FUT1: variants seen among roughly 807,000 people sequenced by gnomAD.
The protein encoded by FUT1 is fucosyltransferase 1 (H blood group).
For missense variants in FUT1, 476 were observed against 492.7 expected (o/e 0.97, Z 0.32); for synonymous variants, 215 against 208.7 (o/e 1.03, Z -0.26).
Position 48,750,504 on chromosome 19 carries a change from C to T in FUT1, c.778G>A (p.Val260Ile). The T allele has an allele frequency of 6.2e-7, 1 of 1,614,038 alleles. No homozygotes were observed. The highest frequency in any genetic ancestry group is 8.5e-7 in the Non-Finnish European group (1 of 1,180,030). ...CACCACTCCATGCCGTTGCTGGTGA[C>T]CACGAAAACGGGGGCTTCGTGCCGT... ...RARHEAPVFV[V>I]TSNGMEWCKE... Residue 260 changes from valine to isoleucine, a missense_variant, in exon 2 of 2, where the codon GTC becomes ATC. Physicochemically the swap from Val to Ile is conservative, Grantham distance 29 (BLOSUM62 3). Transcript: ENST00000645652.
upstream of FUT1, among the ~76,000 whole-genome samples, chr19:48,753,861 A>G (rs1231508581): frequency 1.3e-5 from 2 of 152,180 alleles, no homozygotes. Context: ...TCTTCTCTGC[A>G]CTTATAAGAA....
At chr19:48,753,150 G>C (rs1372502503), upstream of FUT1, 1 of 155,552 alleles carries the variant, frequency 6.4e-6, no homozygotes, top group African/African-American at 2.4e-5. Flanking sequence ...TGTTTGCCAG[G>C]CTGCCGCCGG....
rs1327878092 is a variant in FUT1, at chr19:48,749,873, G to A, written c.*311C>T. On this transcript the variant is annotated 3_prime_UTR_variant, in exon 2 of 2. Transcript: ENST00000645652. The stretch of plus-strand genomic sequence containing the variant: ...CCCCTCTTCTAGAGTAGACCAGAGG[G>A]AGAGTTCCCCATTCCTGGGGGCAGC... 3 of 432,348 alleles carry A rather than the reference G, an allele frequency of 6.9e-6. No individual in the cohort carries two copies. The highest frequency in any genetic ancestry group is 2.0e-5 in the African/African-American group (1 of 49,844). The allele number at this position is 432,348 out of a possible 1,614,324, so 26.8% of individuals were successfully genotyped here.
At chr19:48,752,983 C>T, upstream of FUT1, 1 of 810,814 alleles carries the variant, frequency 1.2e-6, no homozygotes, top group Non-Finnish European at 1.5e-6. This position sits in a 1 kb window ranked among gnomAD's most constrained non-coding sequence, Gnocchi z 4.3. Context: ...ATCCGCCGCC[C>T]TCTCTCTTCC....
rs141180477 is a variant in FUT1, at chr19:48,750,259, C to A, written c.1023G>T (p.Pro341=). Residue 341 remains proline (P), a synonymous_variant, in exon 2 of 2, where the codon CCG becomes CCT. Coordinates refer to ENST00000645652, the MANE Select transcript of FUT1 (RefSeq NM_001384359.1). ...CCCACTCGGGCAGGAAGGCCGCCTC[C>A]GGCTTAAAGATCTTCAGGAACTCAG... is the stretch of plus-strand genomic sequence containing the variant. ...PDSEFLKIFK[P]EAAFLPEWVG... 2.5e-5 allele frequency: 41 copies of A among 1,613,988 alleles called. No individual in the cohort carries two copies. The highest frequency in any genetic ancestry group is 3.5e-5 in the Non-Finnish European group (41 of 1,179,946).
chr19:48,751,266 G>T lies in FUT1; in HGVS notation c.16C>A (p.His6Asn), dbSNP rs1171973571. The change falls in exon 2 of 2, where the codon CAT becomes AAT. Residue 6 changes from histidine to asparagine, a missense_variant. Transcript: ENST00000645652. ...AGGAAGGCCAGGCAGAGCTGACGAT[G>T]GCTCCGGAGCCACATGGCTGCAGGG... Reference protein sequence around the residue: MWLRSHRQLCLAFLLV... With the variant: MWLRSNRQLCLAFLLV... 7 of 1,614,056 alleles carry T rather than the reference G, an allele frequency of 4.3e-6. No homozygotes were observed. Among genetic ancestry groups the T allele is most frequent in the Non-Finnish European group, 5.1e-6 (6 of 1,179,980 alleles).
In FUT1 at chr19:48,751,149, G is replaced by C; in HGVS notation, c.133C>G (p.Arg45Gly). Residue 45 changes from arginine (R) to glycine (G), a missense_variant, in exon 2 of 2, where the codon CGC becomes GGC. Coordinates refer to ENST00000645652, the MANE Select transcript of FUT1 (RefSeq NM_001384359.1). ...GCCACTGGGGGTGTCACCAGGCGGC[G>C]GTCTGGACACAGGATCGACAGGCCT... ...GLGLSILCPD[R>G]RLVTPPVAIF... The C allele has an allele frequency of 6.2e-7, 1 of 1,614,102 alleles. No individual in the cohort carries two copies. The highest frequency in any genetic ancestry group is 1.7e-5 in the Admixed American group (1 of 60,026).
At position 48,752,389 on chromosome 19, in the gene FUT1, C is replaced by G; in HGVS notation, c.-3+101G>C. The G allele has an allele frequency of 1.4e-6, 1 of 721,826 alleles. No individual in the cohort carries two copies. Among genetic ancestry groups the G allele is most frequent in the Non-Finnish European group, 1.7e-6 (1 of 588,820 alleles). The allele number at this position is 721,826 out of a possible 1,614,324, so 44.7% of individuals were successfully genotyped here. Reference sequence around the variant, plus strand: ...GGGGAGGTGGCGGAGATTCCTAGGGCCTTAGGAAGACCTGGAGAAGAGGTT... The same window carrying G: ...GGGGAGGTGGCGGAGATTCCTAGGGGCTTAGGAAGACCTGGAGAAGAGGTT... On this transcript the variant is annotated intron_variant, in intron 1 of 1. Transcript: ENST00000645652. This position sits in a 1 kb window ranked among gnomAD's most constrained non-coding sequence, Gnocchi z 4.3.
At position 48,752,298 on chromosome 19, in the gene FUT1, TA is replaced by T. The variant is rs1175049942; in HGVS notation, c.-3+191del. Reference sequence around the variant, plus strand: ...TGGTGATGGGAAACGATAGTTCAAGTAAAACAAGAGAGGCTGGAGGGTCAGG... The same window carrying T: ...TGGTGATGGGAAACGATAGTTCAAGTAAACAAGAGAGGCTGGAGGGTCAGG... On this transcript the variant is annotated intron_variant, in intron 1 of 1. Coordinates refer to ENST00000645652, the MANE Select transcript of FUT1 (RefSeq NM_001384359.1). The surrounding 1 kb of genome is among the most constrained non-coding windows in gnomAD (Gnocchi z 4.3). Among the ~76,000 whole-genome samples, 1 of 152,020 alleles carries T rather than the reference TA, an allele frequency of 6.6e-6. No homozygotes were observed. Among genetic ancestry groups the T allele is most frequent in the Middle Eastern group, 3.4e-3 (1 of 294 alleles).
chr19:48,751,919 C>A (rs2034009426), intron 1 of FUT1, among the ~76,000 whole-genome samples: 3 of 151,610 alleles, frequency 2.0e-5, no homozygotes, highest in Admixed American at 2.0e-4. Flanking sequence ...CCATTACACT[C>A]CAGCCTGGGC....
At chr19:48,751,317 C>A (rs1253690061) in intron 1 of FUT1, 34 bp from the exon 2 acceptor site, 1 of 1,608,730 alleles carries the variant, frequency 6.2e-7, no homozygotes, top group South Asian at 1.1e-5. Context: ...AGCAAATGCT[C>A]TGAGGCTGAG....
Position 48,749,982 on chromosome 19 carries a change from G to T in FUT1, c.*202C>A, listed in dbSNP as rs1329089974. On this transcript the variant is annotated 3_prime_UTR_variant, in exon 2 of 2. Coordinates refer to ENST00000645652, the MANE Select transcript of FUT1 (RefSeq NM_001384359.1). ...AACTGCCTGCCAGCCATCAGGAAAA[G>T]ATGTTTTGCTAGTTCTAGAATATTC... The T allele has an allele frequency of 3.0e-6, 2 of 659,246 alleles. No individual in the cohort carries two copies. The highest frequency in any genetic ancestry group is 2.6e-6 in the Non-Finnish European group (1 of 390,404). 40.8% of individuals were successfully genotyped at this position (659,246 alleles called of 1,614,324 possible).
Position 48,750,398 on chromosome 19 carries a change from G to A in FUT1, c.884C>T (p.Ala295Val), listed in dbSNP as rs1206932189. 2 of 1,614,228 alleles carry A rather than the reference G, an allele frequency of 1.2e-6. No individual in the cohort carries two copies. Among genetic ancestry groups the A allele is most frequent in the Non-Finnish European group, 8.5e-7 (1 of 1,180,042 alleles). Residue 295 changes from alanine to valine, a missense_variant, in exon 2 of 2, where the codon GCC becomes GTC. Transcript: ENST00000645652. ...GGTGTGGTTGCACTGTGTGAGCAGG[G>A]CAAAGTCTTTCCACGGTGTAGCCTC... ...GQEATPWKDF[A>V]LLTQCNHTIM... is the part of the protein sequence containing the mutation.
chr19:48,754,059 G>T (rs899079921), upstream of FUT1, among the ~76,000 whole-genome samples: 1 of 151,846 alleles, frequency 6.6e-6, no homozygotes, highest in African/African-American at 2.4e-5. Flanking sequence ...GGTGGAGGGC[G>T]CCTGTAGTCC....
At chr19:48,754,308 G>A (rs2034054368), upstream of FUT1, among the ~76,000 whole-genome samples, 1 of 152,124 alleles carries the variant, frequency 6.6e-6, no homozygotes, top group South Asian at 2.1e-4. Context: ...TTGAAGCACA[G>A]CACAGCAGGA....
At chr19:48,754,453 C>T (rs983187308), upstream of FUT1, among the ~76,000 whole-genome samples, 4 of 152,124 alleles carry the variant, frequency 2.6e-5, no homozygotes, top group South Asian at 2.1e-4. Context: ...CAGACACTGG[C>T]GTTCCCGCTT....
chr19:48,752,788 G>A, upstream of FUT1: 1 of 985,296 alleles, frequency 1.0e-6, no homozygotes, highest in Non-Finnish European at 1.2e-6. This position sits in a 1 kb window ranked among gnomAD's most constrained non-coding sequence, Gnocchi z 4.3. Flanking sequence ...CTAAGGCGAT[G>A]GCCCCTGGGC....
Position 48,750,159 on chromosome 19 carries a change from C to T in FUT1, c.*25G>A. 1 of 1,599,920 alleles carries T rather than the reference C, an allele frequency of 6.3e-7. No homozygotes were observed. Among genetic ancestry groups the T allele is most frequent in the East Asian group, 2.3e-5 (1 of 44,416 alleles). ...TACTGCTGGCTCTAGAAAGATCAGG[C>T]TACTTCAGAAAGTCTCCCTGGCTCT... On this transcript the variant is annotated 3_prime_UTR_variant, in exon 2 of 2. Transcript: ENST00000645652.
chr19:48,750,368 A>G lies in FUT1; in HGVS notation c.914T>C (p.Met305Thr), dbSNP rs752684033. 3.1e-6 allele frequency: 5 copies of G among 1,614,246 alleles called. No homozygotes were observed. Among genetic ancestry groups the G allele is most frequent in the Non-Finnish European group, 4.2e-6 (5 of 1,180,042 alleles). ...CCAGAAGCCGAAGGTGCCAATGGTC[A>G]TAATGGTGTGGTTGCACTGTGTGAG... ...ALLTQCNHTI[M>T]TIGTFGFWAA... The change falls in exon 2 of 2, where the codon ATG becomes ACG. Residue 305 changes from methionine (M) to threonine (T), a missense_variant. By Grantham distance (81) the Met-to-Thr change is moderately conservative. Transcript: ENST00000645652.
Sources: allele counts gnomAD v4.1 joint callset (sites outside exome capture counted in the v4.1 genomes callset), GRCh38; gene constraint gnomAD v4.1.1; non-coding constraint Gnocchi (gnomAD v3.1); transcripts MANE v1.5; gene names NCBI Gene and HGNC (gene_info 2026-07-23, HGNC 2026-07-21).